C10orf67: variants seen among roughly 807,000 people sequenced by gnomAD.
C10orf67 encodes the protein chromosome 10 open reading frame 67.
C10orf67 carries 60 observed loss-of-function variants against 35.6 expected under a neutral mutation model. That is an observed-to-expected ratio of 1.68 (90% CI 1.37 to 2.09). The LOEUF is 2.09. Among genes scored for constraint, C10orf67 ranks in the 30% most tolerant of loss-of-function variants. C10orf67 has a pLI of 0.00. For synonymous variants in C10orf67, 167 were observed against 115.8 expected, an observed-to-expected ratio of 1.44 and a Z score of -2.84; for missense variants, 474 against 330.2, an observed-to-expected ratio of 1.44 and a Z score of -3.38.
chr10:23,300,136 G>A (rs1362319159), intron 5 of C10orf67, among the ~76,000 whole-genome samples: 3 of 152,116 alleles, frequency 2.0e-5, no homozygotes, highest in Admixed American at 1.3e-4. Flanking sequence ...TCGATCATCC[G>A]GCTAGTGGCT....
chr10:23,207,440 A>G (rs770580563), intron 15 of C10orf67, among the ~76,000 whole-genome samples: 10 of 148,994 alleles, frequency 6.7e-5, no homozygotes, highest in Admixed American at 2.7e-4. Context: ...TAGTAATGAA[A>G]AATATGAAAG....
chr10:23,247,366 C>T (rs192273120), intron 12 of C10orf67, among the ~76,000 whole-genome samples: 1 of 152,294 alleles, frequency 6.6e-6, no homozygotes, highest in Non-Finnish European at 1.5e-5. Context: ...TGCATAAACA[C>T]TTACCATTGT....
At chr10:23,240,660 G>C (rs967021200) in intron 12 of C10orf67, among the ~76,000 whole-genome samples, 2 of 152,194 alleles carry the variant, frequency 1.3e-5, no homozygotes, top group Non-Finnish European at 2.9e-5. Context: ...AGAATGGCTG[G>C]ACAGCCTTCA....
Position 23,333,030 on chromosome 10 carries a change from T to C in C10orf67, c.327+32A>G, listed in dbSNP as rs758554665. ...TGAAGGCAATTAACGCCAAAAATTA[T>C]CTCAGAAGTTTCAGAACAAATTCAG... On this transcript the variant is annotated intron_variant, in intron 2 of 15. Coordinates refer to ENST00000636213, the MANE Select transcript of C10orf67 (RefSeq NM_001371909.1). 2.5e-6 allele frequency: 4 copies of C among 1,599,186 alleles called. No homozygotes were observed. In the South Asian group the frequency reaches 3.4e-5, roughly 14 times the overall value.
intron 7 of C10orf67, among the ~76,000 whole-genome samples, chr10:23,287,370 T>C (rs1843576290): frequency 6.6e-6 from 1 of 152,088 alleles, no homozygotes; most frequent in Non-Finnish European, 1.5e-5. Flanking sequence ...AAACAAGCAA[T>C]GGGGAAAGGA....
chr10:23,277,373 C>A (rs1046671898), intron 8 of C10orf67, among the ~76,000 whole-genome samples: 2 of 151,758 alleles, frequency 1.3e-5, no homozygotes, highest in African/African-American at 4.8e-5. Flanking sequence ...GGCAATGTGG[C>A]AAAACCCTGT....
Position 23,291,116 on chromosome 10 carries a change from G to T in C10orf67, c.850+16C>A, listed in dbSNP as rs1443927445. 2.9e-6 allele frequency: 2 copies of T among 696,568 alleles called. No individual in the cohort carries two copies. The highest frequency in any genetic ancestry group is 5.3e-6 in the Non-Finnish European group (2 of 378,374). The allele number at this position is 696,568 out of a possible 1,614,324, so 43.1% of individuals were successfully genotyped here. A position where few individuals can be genotyped will look rare whatever the true frequency, so the allele number is the denominator to read the frequency against. ...CAATATACAGATTTTTCTCAAAAGT[G>T]ATTTCAAAATGTTACCTAATCCTGA... On this transcript the variant is annotated intron_variant, in intron 6 of 15. Coordinates refer to ENST00000636213, the MANE Select transcript of C10orf67 (RefSeq NM_001371909.1).
chr10:23,246,366 GA>G (rs1322448572), intron 12 of C10orf67, among the ~76,000 whole-genome samples: 2 of 151,434 alleles, frequency 1.3e-5, no homozygotes, highest in Admixed American at 6.6e-5. Flanking sequence ...AGTTAGAAAG[GA>G]AAAAAATGTT....
In C10orf67 at chr10:23,320,758, TA is replaced by T; in HGVS notation, c.528del (p.Ile177SerfsTer11). 6.3e-7 allele frequency: 1 copy of T among 1,591,910 alleles called. No homozygotes were observed. The highest frequency in any genetic ancestry group is 8.6e-7 in the Non-Finnish European group (1 of 1,168,734). ...AAACTCACCTGGTACATTCCTTTGA[TA>T]ACAGCTATGGCATCAGCTAACTGCT... ...FNQQLADAIA[V>X]IKGMYQQFFE... On this transcript the variant is annotated frameshift_variant, in exon 4 of 16. Transcript: ENST00000636213. LOFTEE classifies it high-confidence loss of function.
intron 15 of C10orf67, among the ~76,000 whole-genome samples, chr10:23,212,834 GCA>G (rs1212973984): frequency 4.4e-5 from 6 of 135,920 alleles, no homozygotes; most frequent in Admixed American, 2.3e-4. Flanking sequence ...ACGTAAGCAT[GCA>G]AACCTAAGTT....
intron 1 of C10orf67, among the ~76,000 whole-genome samples, chr10:23,337,056 T>C (rs950019585): frequency 2.0e-5 from 3 of 151,896 alleles, no homozygotes; most frequent in African/African-American, 4.8e-5. Context: ...AATTTAAGCA[T>C]CAAAATAAAT....
chr10:23,210,667 A>G (rs1451802015), intron 15 of C10orf67, among the ~76,000 whole-genome samples: 31 of 152,120 alleles, frequency 2.0e-4, no homozygotes, highest in Admixed American at 2.0e-3. Context: ...TGATCTGCCC[A>G]ACTCAGCCTC....
intron 4 of C10orf67, among the ~76,000 whole-genome samples, chr10:23,308,253 G>A (rs910223141): frequency 2.0e-5 from 3 of 152,080 alleles, no homozygotes; most frequent in Non-Finnish European, 2.9e-5. Flanking sequence ...TACAATCTTC[G>A]TACTTGCCTT....
intron 4 of C10orf67, among the ~76,000 whole-genome samples, chr10:23,305,319 A>G (rs1844235634): frequency 6.6e-6 from 1 of 152,216 alleles, no homozygotes; most frequent in South Asian, 2.1e-4. Flanking sequence ...AAAACAATGC[A>G]TTAACAAAAT....
At chr10:23,283,763 T>A (rs4378291) in intron 7 of C10orf67, among the ~76,000 whole-genome samples, 127,452 of 151,866 alleles carry the variant, frequency 0.84, 54,654 homozygotes, top group Non-Finnish European at 0.92. Context: ...CTCGGGGCCA[T>A]TGCAGTATCC....
chr10:23,318,147 AAAG>A (rs1844804881), intron 4 of C10orf67: 1 of 2,036 alleles, frequency 4.9e-4, no homozygotes, highest in Non-Finnish European at 1.1e-3. Flanking sequence ...AAAGCAAAAC[AAAG>A]AAAAAAAAAA....
chr10:23,280,267 A>G (rs1280181660), intron 8 of C10orf67, among the ~76,000 whole-genome samples: 1 of 152,244 alleles, frequency 6.6e-6, no homozygotes, highest in Non-Finnish European at 1.5e-5. Context: ...ACAAGCATGT[A>G]ACAAAACCCT....
intron 10 of C10orf67, chr10:23,258,548 G>A (rs1842663413): frequency 1.8e-5 from 3 of 169,862 alleles, no homozygotes; most frequent in African/African-American, 4.7e-5. Flanking sequence ...TTGACGACTA[G>A]CACCACCTCA....
chr10:23,340,349 C>CA lies in C10orf67; in HGVS notation c.206+4219dup, dbSNP rs34098221. Among the ~76,000 whole-genome samples, 244 of 118,572 alleles carry CA rather than the reference C, an allele frequency of 2.1e-3. 3 individuals are homozygous for CA. The highest frequency in any genetic ancestry group is 6.4e-3 in the African/African-American group (195 of 30,626). The allele number at this position is 118,572 out of a possible 152,430, so 77.8% of individuals were successfully genotyped here. ...GTGAAGCCCTGTCTCTACAAAAATACAAAAAAAAAAAAAAAAAAAAATTAG... is the reference window on the plus strand; with the variant it reads ...GTGAAGCCCTGTCTCTACAAAAATACAAAAAAAAAAAAAAAAAAAAAATTAG... On this transcript the variant is annotated intron_variant, in intron 1 of 15. Coordinates refer to ENST00000636213, the MANE Select transcript of C10orf67 (RefSeq NM_001371909.1).
Sources: gnomAD v4.1 joint callset for allele counts (sites outside exome capture counted in the v4.1 genomes callset) on GRCh38, gnomAD v4.1.1 for gene constraint, MANE v1.5 for transcripts, NCBI Gene and HGNC (gene_info 2026-07-23, HGNC 2026-07-21) for gene names.